TRAPPC9: variants seen among roughly 807,000 people sequenced by gnomAD.
The protein encoded by TRAPPC9 is IKK2 binding protein.
TRAPPC9 carries 83 observed loss-of-function variants against 124.0 expected under a neutral mutation model. That is an observed-to-expected ratio of 0.67 (90% confidence interval 0.56 to 0.80). TRAPPC9 has a LOEUF of 0.80. Ranked by LOEUF, TRAPPC9 falls within the 30% of genes least tolerant of loss-of-function variation. The pLI is 0.00. For missense variants in TRAPPC9, 1,302 were observed against 1,508.3 expected (o/e 0.86, Z 2.27); for synonymous variants, 638 against 617.5 (o/e 1.03, Z -0.49).
chr8:140,185,255 G>A (rs997226189), intron 17 of TRAPPC9, among the ~76,000 whole-genome samples: 3 of 152,196 alleles, frequency 2.0e-5, no homozygotes, highest in Non-Finnish European at 4.4e-5. Context: ...GCCCTCCCGG[G>A]GCTCTGAGTC....
intron 18 of TRAPPC9, among the ~76,000 whole-genome samples, chr8:140,013,540 CA>C (rs1315113499): frequency 6.6e-6 from 1 of 152,216 alleles, no homozygotes; most frequent in Non-Finnish European, 1.5e-5. Flanking sequence ...AACAAAGAGT[CA>C]CAGAGTGGCT....
Position 140,004,564 on chromosome 8 carries a change from A to C in TRAPPC9, c.2700-15728T>G, listed in dbSNP as rs75388331. 4.4e-3 allele frequency among the ~76,000 whole-genome samples: 672 copies of C among 152,312 alleles called. 6 individuals are homozygous for C. Among genetic ancestry groups the C allele is most frequent in the African/African-American group, 0.015 (634 of 41,566 alleles). ...TGCTATGGAATTATTAGGAGGCTCC[A>C]GTGAAAAAAAGTAAGTGAAAGTGCT... On this transcript the variant is annotated intron_variant, in intron 18 of 22. Transcript: ENST00000438773.
chr8:139,921,192 C>T (rs1832481908), intron 19 of TRAPPC9, among the ~76,000 whole-genome samples: 1 of 152,202 alleles, frequency 6.6e-6, no homozygotes, highest in African/African-American at 2.4e-5. Context: ...CTCACCATAC[C>T]ACGCGACTCC....
intron 9 of TRAPPC9, among the ~76,000 whole-genome samples, chr8:140,314,040 CTG>C (rs1387512922): frequency 6.6e-6 from 1 of 152,204 alleles, no homozygotes; most frequent in Non-Finnish European, 1.5e-5. Flanking sequence ...GAATTACAAA[CTG>C]GTGATTTTCT....
intron 19 of TRAPPC9, among the ~76,000 whole-genome samples, chr8:139,918,186 T>C (rs533764702): frequency 6.6e-6 from 1 of 152,250 alleles, no homozygotes; most frequent in South Asian, 2.1e-4. Flanking sequence ...AGGCCCATTA[T>C]TTCTTCAGTT....
At chr8:140,221,285 G>A (rs1380974037) in intron 17 of TRAPPC9, among the ~76,000 whole-genome samples, 174 bp downstream of exon 17, 1 of 152,196 alleles carries the variant, frequency 6.6e-6, no homozygotes, top group Non-Finnish European at 1.5e-5. Flanking sequence ...ATGCACTCAA[G>A]CTTCACTGTG....
chr8:139,817,546 C>G (rs1018377595), intron 21 of TRAPPC9, among the ~76,000 whole-genome samples: 1 of 152,246 alleles, frequency 6.6e-6, no homozygotes, highest in Non-Finnish European at 1.5e-5. Context: ...CCCTCCTGGT[C>G]TCCTGCCCCA....
At chr8:139,814,445 G>C (rs574391034) in intron 21 of TRAPPC9, among the ~76,000 whole-genome samples, 2 of 152,298 alleles carry the variant, frequency 1.3e-5, no homozygotes, top group South Asian at 4.1e-4. Flanking sequence ...CCTCAGGCAA[G>C]AGCAGGCCCA....
intron 7 of TRAPPC9, among the ~76,000 whole-genome samples, chr8:140,373,028 C>T (rs148961812): frequency 1.3e-5 from 2 of 152,350 alleles, no homozygotes; most frequent in African/African-American, 4.8e-5. Flanking sequence ...GCCCCACTGC[C>T]TACCTATGAC....
intron 17 of TRAPPC9, among the ~76,000 whole-genome samples, chr8:140,081,669 T>G (rs969594961): frequency 6.6e-6 from 1 of 152,162 alleles, no homozygotes; most frequent in Non-Finnish European, 1.5e-5. Context: ...GAAATGCACA[T>G]TTGATTCCTG....
chr8:139,824,979 T>G (rs1825522392), intron 21 of TRAPPC9, among the ~76,000 whole-genome samples: 2 of 151,868 alleles, frequency 1.3e-5, no homozygotes, highest in Admixed American at 1.3e-4. Flanking sequence ...CTCTCGTGAG[T>G]CCCCTGCAGG....
chr8:139,927,892 T>C (rs1377834687), intron 19 of TRAPPC9, among the ~76,000 whole-genome samples: 2 of 152,116 alleles, frequency 1.3e-5, no homozygotes, highest in Non-Finnish European at 2.9e-5. Context: ...TTATATAAAA[T>C]CCTGGAACAC....
chr8:140,191,655 A>G (rs1466883747), intron 17 of TRAPPC9, among the ~76,000 whole-genome samples: 2 of 152,178 alleles, frequency 1.3e-5, no homozygotes, highest in African/African-American at 4.8e-5. Flanking sequence ...TGCTTCCTGT[A>G]CAGCCTGTGC....
chr8:140,248,712 A>G (rs2064046379), intron 16 of TRAPPC9, among the ~76,000 whole-genome samples: 1 of 152,242 alleles, frequency 6.6e-6, no homozygotes, highest in Admixed American at 6.5e-5. Context: ...AAGAAATCAG[A>G]GATTTCAAGT....
At chr8:140,317,154 C>T (rs1309263582) in intron 9 of TRAPPC9, among the ~76,000 whole-genome samples, 2 of 152,076 alleles carry the variant, frequency 1.3e-5, no homozygotes, top group Non-Finnish European at 2.9e-5. Flanking sequence ...TTTCAAAACA[C>T]CAGCTCTTCA....
intron 9 of TRAPPC9, among the ~76,000 whole-genome samples, chr8:140,346,427 TTA>T (rs1253702740): frequency 4.3e-4 from 66 of 152,238 alleles, no homozygotes; most frequent in Non-Finnish European, 7.6e-4. Flanking sequence ...TTGTCCCTTA[TTA>T]TCCGAACAGT....
chr8:140,214,882 T>C (rs1456268395), intron 17 of TRAPPC9, among the ~76,000 whole-genome samples: 1 of 152,172 alleles, frequency 6.6e-6, no homozygotes, highest in Non-Finnish European at 1.5e-5. Context: ...TAGGAGCAGC[T>C]TTCACTGAAT....
intron 19 of TRAPPC9, among the ~76,000 whole-genome samples, chr8:139,974,226 A>G (rs1836290769): frequency 6.6e-6 from 1 of 152,224 alleles, no homozygotes; most frequent in African/African-American, 2.4e-5. Flanking sequence ...GGTACGCAAG[A>G]GAAAACTGTG....
chr8:140,083,147 C>T (rs1359401962), intron 17 of TRAPPC9, among the ~76,000 whole-genome samples: 9 of 151,942 alleles, frequency 5.9e-5, no homozygotes, highest in South Asian at 4.2e-4. Flanking sequence ...GAGCTGAGAT[C>T]GTGCCACTGC....
Sources: allele counts gnomAD v4.1 joint callset (sites outside exome capture counted in the v4.1 genomes callset), GRCh38; gene constraint gnomAD v4.1.1; transcripts MANE v1.5; gene names NCBI Gene and HGNC (gene_info 2026-07-23, HGNC 2026-07-21).